Variants in AACS observed in about 807,000 individuals in gnomAD.
The protein encoded by AACS is acetoacetate-CoA ligase.
AACS carries 69 observed loss-of-function variants against 83.1 expected under a neutral mutation model. The observed-to-expected ratio is 0.83, with a 90% CI of 0.68 to 1.01. AACS has a LOEUF of 1.01. Ranked by LOEUF, AACS falls within the 50% of genes least tolerant of loss-of-function variation. AACS has a pLI of 0.00. For synonymous variants in AACS, 333 were observed against 343.4 expected (o/e 0.97, Z 0.33); for missense variants, 866 against 882.2 (o/e 0.98, Z 0.23).
chr12:125,109,797 CAA>C (rs1956912866), intron 8 of AACS, among the ~76,000 whole-genome samples: 1 of 152,168 alleles, frequency 6.6e-6, no homozygotes, highest in African/African-American at 2.4e-5. Context: ...CTGACATTTT[CAA>C]AGAGCCCAGG....
chr12:125,125,242 T>TAC, intron 12 of AACS, among the ~76,000 whole-genome samples: 3 of 152,332 alleles, frequency 2.0e-5, no homozygotes, highest in South Asian at 4.2e-4. Flanking sequence ...TAGATTTATG[T>TAC]ACACACACAC....
rs543258639 is a variant in AACS, at chr12:125,112,401, C to T, written c.916-2076C>T. Among the ~76,000 whole-genome samples the T allele has an allele frequency of 3.7e-4, 56 of 152,172 alleles. 1 individual carries two copies. Among genetic ancestry groups the T allele is most frequent in the Non-Finnish European group, 4.4e-5 (3 of 68,006 alleles). ...GCTGCTGATAAAGACATACTGAGGG[C>T]TGGGTGTGGTGGCTCATGCTTGTAA... On this transcript the variant is annotated intron_variant, in intron 8 of 17. Transcript: ENST00000316519.
intron 1 of AACS, among the ~76,000 whole-genome samples, chr12:125,072,919 G>GTTTTTTTTTTTTTTTTTTTTTTTTTTTT: frequency 1.1e-5 from 1 of 90,390 alleles, no homozygotes; most frequent in Non-Finnish European, 2.2e-5. Flanking sequence ...TGTAACTTTT[G>GTTTTTTTTTTTTTTTTTTTTTTTTTTTT]TTTTTTTTTT....
At chr12:125,131,701 A>T (rs1201064451) in intron 14 of AACS, among the ~76,000 whole-genome samples, 1 of 151,778 alleles carries the variant, frequency 6.6e-6, no homozygotes, top group Admixed American at 6.6e-5. Context: ...GCACGATCTC[A>T]GCTTCTCCTG....
At chr12:125,111,538 G>A (rs1956952186) in intron 8 of AACS, among the ~76,000 whole-genome samples, 1 of 152,294 alleles carries the variant, frequency 6.6e-6, no homozygotes, top group South Asian at 2.1e-4. Flanking sequence ...CTGGGCTCTT[G>A]CATCTCTGGA....
At chr12:125,084,392 C>CTTCTTTCCTTTCCT (rs1403004288) in intron 3 of AACS, among the ~76,000 whole-genome samples, 1 of 151,292 alleles carries the variant, frequency 6.6e-6, no homozygotes, top group South Asian at 2.1e-4. Context: ...CCCTCCTTTC[C>CTTCTTTCCTTTCCT]TTCTTTCCTT....
intron 10 of AACS, 38 bp downstream of exon 10, chr12:125,118,803 G>A (rs766456058): frequency 6.2e-7 from 1 of 1,609,474 alleles, no homozygotes; most frequent in Non-Finnish European, 8.5e-7. Context: ...CAAGGGACAG[G>A]CAGCACCAGG....
intron 3 of AACS, among the ~76,000 whole-genome samples, chr12:125,081,273 C>A (rs115557926): frequency 6.6e-6 from 1 of 152,206 alleles, no homozygotes; most frequent in South Asian, 2.1e-4. Flanking sequence ...GGATTACAGG[C>A]GTGAACCACC....
In AACS at chr12:125,113,109, G is replaced by T. The variant is rs1592986534; in HGVS notation, c.916-1368G>T. Among the ~76,000 whole-genome samples the T allele has an allele frequency of 6.6e-6, 1 of 152,210 alleles. No individual in the cohort carries two copies. The highest frequency in any genetic ancestry group is 1.5e-5 in the Non-Finnish European group (1 of 68,038). Reference sequence around the variant, plus strand: ...GCTGTTTGTGGGCTGGGTGGCGGTTGCCTGTTTGGGATGGACTCCGGAATA... The same window carrying T: ...GCTGTTTGTGGGCTGGGTGGCGGTTTCCTGTTTGGGATGGACTCCGGAATA... On this transcript the variant is annotated intron_variant, in intron 8 of 17. Transcript: ENST00000316519. The surrounding 1 kb of genome is among the most constrained non-coding windows in gnomAD (Gnocchi z 4.8).
In AACS at chr12:125,140,580, A is replaced by G. The variant is rs540967396; in HGVS notation, c.1882-1512A>G. ...AGTTCACACGTCGACTGAATTTTCA[A>G]GTGAATGAATTTTAATTACATCTCA... On this transcript the variant is annotated intron_variant, in intron 17 of 17. Coordinates refer to ENST00000316519, the MANE Select transcript of AACS (RefSeq NM_023928.5). This position sits in a 1 kb window ranked among gnomAD's most constrained non-coding sequence, Gnocchi z 5.1. 1.3e-5 allele frequency: 2 copies of G among 152,034 alleles called. No homozygotes were observed. The highest frequency in any genetic ancestry group is 2.9e-5 in the Non-Finnish European group (2 of 67,992). The allele number at this position is 152,034 out of a possible 1,614,324, so 9.4% of individuals were successfully genotyped here.
intron 3 of AACS, among the ~76,000 whole-genome samples, chr12:125,077,293 G>A (rs1237396687): frequency 3.3e-5 from 5 of 151,810 alleles, no homozygotes; most frequent in African/African-American, 7.3e-5. Flanking sequence ...GGCGGATCAC[G>A]AGGTCAGGAG....
Position 125,065,589 on chromosome 12 carries a change from C to A in AACS, c.5C>A (p.Ser2Tyr). 9 of 1,523,330 alleles carry A rather than the reference C, an allele frequency of 5.9e-6. No homozygotes were observed. The highest frequency in any genetic ancestry group is 7.9e-6 in the Non-Finnish European group (9 of 1,134,738). The allele number at this position is 1,523,330 out of a possible 1,614,324, so 94.4% of individuals were successfully genotyped here. Residue 2 changes from serine (S) to tyrosine (Y), a missense_variant, in exon 1 of 18, where the codon TCC (serine) becomes TAC (tyrosine). Physicochemically the swap from Ser to Tyr is moderately radical, Grantham distance 144. Coordinates refer to ENST00000316519, the MANE Select transcript of AACS (RefSeq NM_023928.5). ...CCCCGGCCGCCCGCCGCCGCCATGT[C>A]CAAGGAGGAGCGCCCCGGTCGGGAG... M[S>Y]KEERPGREEI...
chr12:125,078,653 C>T (rs71458893), intron 3 of AACS, among the ~76,000 whole-genome samples: 1 of 152,034 alleles, frequency 6.6e-6, no homozygotes, highest in Non-Finnish European at 1.5e-5. Flanking sequence ...AAACCCATTT[C>T]TACTAAAAAT....
chr12:125,090,170 G>A (rs1276170973), intron 4 of AACS, among the ~76,000 whole-genome samples: 2 of 6,464 alleles, frequency 3.1e-4, no homozygotes, highest in Admixed American at 1.6e-3. Context: ...CATCCATCCT[G>A]TCTATACATT....
chr12:125,082,752 C>T (rs994093074), intron 3 of AACS, among the ~76,000 whole-genome samples: 6 of 151,962 alleles, frequency 3.9e-5, no homozygotes, highest in Admixed American at 1.3e-4. Flanking sequence ...ACCTGGGAGG[C>T]GGAGGTTGCA....
intron 2 of AACS, 64 bp downstream of exon 2, chr12:125,074,043 A>G: frequency 7.5e-7 from 1 of 1,324,674 alleles, no homozygotes; most frequent in Non-Finnish European, 1.1e-6. Context: ...TGAAATGCTA[A>G]TTTTGGGGAA....
intron 13 of AACS, 51 bp downstream of exon 13, chr12:125,128,325 T>C (rs781468710): frequency 2.0e-6 from 3 of 1,521,062 alleles, no homozygotes; most frequent in South Asian, 1.2e-5. Context: ...GAGTTGGGAG[T>C]GTGGGAGCGT....
intron 1 of AACS, among the ~76,000 whole-genome samples, chr12:125,067,238 T>C (rs1311833796): frequency 1.3e-5 from 2 of 152,112 alleles, no homozygotes; most frequent in African/African-American, 4.8e-5. Flanking sequence ...TGGAGACAGG[T>C]GTAGTCTGTT....
At chr12:125,082,561 C>A (rs985284549) in intron 3 of AACS, among the ~76,000 whole-genome samples, 1 of 318 alleles carries the variant, frequency 3.1e-3, no homozygotes, top group African/African-American at 0.015. Context: ...GTGGCTCACA[C>A]CTGTATATCC....
Sources: allele counts gnomAD v4.1 joint callset (sites outside exome capture counted in the v4.1 genomes callset), GRCh38; gene constraint gnomAD v4.1.1; non-coding constraint Gnocchi (gnomAD v3.1); transcripts MANE v1.5; gene names NCBI Gene and HGNC (gene_info 2026-07-23, HGNC 2026-07-21).